COL13A1: variants seen among roughly 807,000 people sequenced by gnomAD.
COL13A1 encodes collagen alpha-1(XIII) chain.
COL13A1 carries 89 observed loss-of-function variants against 130.9 expected under a neutral mutation model. The observed-to-expected ratio is 0.68, with a 90% CI of 0.57 to 0.81. COL13A1 has a LOEUF of 0.81. Ranked by LOEUF, COL13A1 falls within the 30% of genes least tolerant of loss-of-function variation. COL13A1 has a pLI of 0.00. For missense variants in COL13A1, 879 were observed against 934.6 expected (o/e 0.94, Z 0.78); for synonymous variants, 402 against 341.6 (o/e 1.18, Z -1.95).
intron 38 of COL13A1, among the ~76,000 whole-genome samples, chr10:69,951,392 C>G (rs562763678): frequency 6.6e-6 from 1 of 152,216 alleles, no homozygotes; most frequent in South Asian, 2.1e-4. Context: ...CAGGGTCTTG[C>G]TTTGTTGCCC....
In COL13A1 at chr10:69,802,349, A is replaced by G; in HGVS notation, c.-75A>G. ...CCTTTCCCCCTGCCCCGCAGTTTGG[A>G]TAGAGCCTTTTGGCAGCGGCTGTCG... On this transcript the variant is annotated 5_prime_UTR_variant, in exon 1 of 41. Transcript: ENST00000645393. The G allele has an allele frequency of 1.5e-6, 2 of 1,372,756 alleles. No homozygotes were observed. The highest frequency in any genetic ancestry group is 1.5e-5 in the African/African-American group (1 of 64,940). The allele number at this position is 1,372,756 out of a possible 1,614,324, so 85.0% of individuals were successfully genotyped here.
intron 5 of COL13A1, among the ~76,000 whole-genome samples, chr10:69,876,943 C>A (rs114763793): frequency 0.013 from 1,950 of 152,318 alleles, 45 homozygotes; most frequent in African/African-American, 0.044. Flanking sequence ...TCCTGTCCGT[C>A]CTGTCCTCCT....
chr10:69,831,549 C>G (rs1010229608), intron 2 of COL13A1, among the ~76,000 whole-genome samples: 5 of 152,188 alleles, frequency 3.3e-5, no homozygotes, highest in Non-Finnish European at 7.3e-5. Flanking sequence ...AGCTTCTGAG[C>G]ATCAGTCCTC....
chr10:69,918,348 G>T, intron 19 of COL13A1, 31 bp downstream of exon 19: 1 of 1,610,846 alleles, frequency 6.2e-7, no homozygotes, highest in South Asian at 1.1e-5. Context: ...AACACATCAG[G>T]GACAGGGTGG....
At chr10:69,857,462 C>T (rs1423266808) in intron 2 of COL13A1, among the ~76,000 whole-genome samples, 1 of 152,230 alleles carries the variant, frequency 6.6e-6, no homozygotes, top group Non-Finnish European at 1.5e-5. Flanking sequence ...GCTGCTCCCC[C>T]ACTGCTCACA....
Position 69,893,666 on chromosome 10 carries a change from C to A in COL13A1, c.604-886C>A, listed in dbSNP as rs533869811. On this transcript the variant is annotated intron_variant, in intron 10 of 40. Coordinates refer to ENST00000645393, the MANE Select transcript of COL13A1 (RefSeq NM_001368882.1). ...CTGACTCCCAAGGTCTGGCCCAGTT[C>A]TGAGCATTTGGCAGTGGAAACAGCT... Among the ~76,000 whole-genome samples, 71 of 152,386 alleles carry A rather than the reference C, an allele frequency of 4.7e-4. 1 individual carries two copies. The highest frequency in any genetic ancestry group is 1.7e-3 in the African/African-American group (70 of 41,592).
intron 2 of COL13A1, among the ~76,000 whole-genome samples, chr10:69,842,905 G>T (rs1410404420): frequency 6.6e-6 from 1 of 152,096 alleles, no homozygotes; most frequent in Non-Finnish European, 1.5e-5. Context: ...TGCCAGAGCA[G>T]CAGCCTTTAC....
chr10:69,836,720 A>T (rs1850161831), intron 2 of COL13A1, among the ~76,000 whole-genome samples: 1 of 152,164 alleles, frequency 6.6e-6, no homozygotes, highest in Non-Finnish European at 1.5e-5. Flanking sequence ...ACAGAGCTAC[A>T]TCCTTGGCAG....
In COL13A1 at chr10:69,889,455, T is replaced by C. The variant is rs1158719827; in HGVS notation, c.603+15T>C. The C allele has an allele frequency of 1.9e-6, 3 of 1,610,392 alleles. No homozygotes were observed. Among genetic ancestry groups the C allele is most frequent in the Non-Finnish European group, 2.5e-6 (3 of 1,178,540 alleles). Reference sequence around the variant, plus strand: ...AGGGCGACATGGTAAGAGCCCAGCTTTCCTGCCTTCCCGAGATGGGTGGGG... The same window carrying C: ...AGGGCGACATGGTAAGAGCCCAGCTCTCCTGCCTTCCCGAGATGGGTGGGG... On this transcript the variant is annotated intron_variant, in intron 10 of 40. Transcript: ENST00000645393.
chr10:69,838,552 C>T (rs7913732), intron 2 of COL13A1, among the ~76,000 whole-genome samples: 1 of 152,074 alleles, frequency 6.6e-6, no homozygotes, highest in Admixed American at 6.5e-5. Flanking sequence ...GTACTCAGCT[C>T]TCCTGAACCG....
At chr10:69,951,246 T>G (rs2069516074) in intron 38 of COL13A1, among the ~76,000 whole-genome samples, 1 of 152,236 alleles carries the variant, frequency 6.6e-6, no homozygotes, top group Non-Finnish European at 1.5e-5. Flanking sequence ...CCCCAACCTT[T>G]GGCTCCTATA....
intron 14 of COL13A1, among the ~76,000 whole-genome samples, chr10:69,901,325 G>A (rs1019443934): frequency 6.6e-6 from 1 of 152,214 alleles, no homozygotes; most frequent in African/African-American, 2.4e-5. Context: ...ACTGCTAGAT[G>A]CCATCTGCCT....
chr10:69,811,205 G>C (rs2132262417), intron 1 of COL13A1, among the ~76,000 whole-genome samples: 1 of 152,204 alleles, frequency 6.6e-6, no homozygotes, highest in African/African-American at 2.4e-5. Flanking sequence ...CCTTCCTCCT[G>C]CCCACCACCC....
chr10:69,946,284 G>C (rs887038186), intron 37 of COL13A1, among the ~76,000 whole-genome samples: 2 of 152,204 alleles, frequency 1.3e-5, no homozygotes, highest in Non-Finnish European at 2.9e-5. Flanking sequence ...CCCTCCCACT[G>C]TGTTAAGTGC....
At chr10:69,920,490 G>A (rs2064507009) in intron 21 of COL13A1, among the ~76,000 whole-genome samples, 1 of 152,178 alleles carries the variant, frequency 6.6e-6, no homozygotes, top group African/African-American at 2.4e-5. Flanking sequence ...TATTTAGATA[G>A]GGCCTTGGGG....
At chr10:69,857,079 G>C (rs956530220) in intron 2 of COL13A1, among the ~76,000 whole-genome samples, 3 of 152,190 alleles carry the variant, frequency 2.0e-5, no homozygotes, top group African/African-American at 4.8e-5. Flanking sequence ...CCAGGAAACT[G>C]TTCAGCCTGA....
In COL13A1 at chr10:69,889,308, G is replaced by GGGGGGCAGGGAGGAGCACA. The variant is rs60703185; in HGVS notation, c.577-88_577-70dup. 5.7e-4 allele frequency: 821 copies of GGGGGGCAGGGAGGAGCACA among 1,435,918 alleles called. 5 individuals carry two copies. The South Asian group carries it at 5.8e-3, about 10-fold the overall frequency. 88.9% of individuals were successfully genotyped at this position (1,435,918 alleles called of 1,614,324 possible). A position where few individuals can be genotyped will look rare whatever the true frequency, so the allele number is the denominator to read the frequency against. On this transcript the variant is annotated intron_variant, in intron 9 of 40. Transcript: ENST00000645393. ...GAGCACAGGGGACAGGGAGGAGCAC[G>GGGGGGCAGGGAGGAGCACA]GGGGGCAGGGAGGAGCACAGGGGGC...
At chr10:69,803,629 G>A (rs1840670302) in intron 1 of COL13A1, among the ~76,000 whole-genome samples, 1 of 152,012 alleles carries the variant, frequency 6.6e-6, no homozygotes, top group Non-Finnish European at 1.5e-5. Flanking sequence ...AGCAGGTCCT[G>A]GCCATGGAAG....
intron 6 of COL13A1, 90 bp from the exon 7 acceptor site, chr10:69,880,413 G>A: frequency 1.3e-6 from 1 of 791,734 alleles, no homozygotes; most frequent in Non-Finnish European, 2.2e-6. Context: ...CCCCCTGCCA[G>A]CTCCTTCCCT....
Sources: allele counts gnomAD v4.1 joint callset (sites outside exome capture counted in the v4.1 genomes callset), GRCh38; gene constraint gnomAD v4.1.1; transcripts MANE v1.5; gene names NCBI Gene and HGNC (gene_info 2026-07-23, HGNC 2026-07-21).